The following KCTD4 variants were observed in gnomAD, a reference collection of about 807,000 sequenced individuals.
KCTD4 encodes the protein potassium channel tetramerization domain containing 4.
Under a neutral mutation model 18.3 loss-of-function variants are expected in KCTD4, and 12 were observed. That is an observed-to-expected ratio of 0.66 (90% CI 0.42 to 1.06). The LOEUF is 1.06. KCTD4 is among the 50% of genes least tolerant of loss of function. The pLI, the probability that KCTD4 is intolerant of heterozygous loss-of-function variation, is 0.00. For missense variants in KCTD4, 250 were observed against 303.4 expected (o/e 0.82, Z 1.31); for synonymous variants, 124 against 110.5 (o/e 1.12, Z -0.76).
chr13:45,199,375 T>C (rs1873062058), intron 1 of KCTD4, among the ~76,000 whole-genome samples: 1 of 152,236 alleles, frequency 6.6e-6, no homozygotes, highest in African/African-American at 2.4e-5. Flanking sequence ...ATTTCTTTGA[T>C]TTTCACTACA....
rs949659534 is a variant in KCTD4, at chr13:45,194,546, T to G, written c.22A>C (p.Arg8=). The G allele has an allele frequency of 6.2e-7, 1 of 1,611,568 alleles. No homozygotes were observed. Among genetic ancestry groups the G allele is most frequent in the Non-Finnish European group, 8.5e-7 (1 of 1,179,078 alleles). MERKINR[R]EKEKEYEGKH... is the part of the protein sequence containing the mutation. Reference sequence around the variant, plus strand: ...CCTTCATACTCCTTTTCTTTTTCTCTTCTGTTTATTTTACGCTCCATTTTT... The same window carrying G: ...CCTTCATACTCCTTTTCTTTTTCTCGTCTGTTTATTTTACGCTCCATTTTT... Residue 8 remains arginine (R), a synonymous_variant, in exon 2 of 2, where the codon AGA becomes CGA. Coordinates refer to ENST00000379108, the MANE Select transcript of KCTD4 (RefSeq NM_198404.3).
rs1391621865 is a variant in KCTD4, at chr13:45,194,260, C to T, written c.308G>A (p.Gly103Glu). 2.5e-6 allele frequency: 4 copies of T among 1,614,006 alleles called. No individual in the cohort carries two copies. Among genetic ancestry groups the T allele is most frequent in the East Asian group, 2.2e-5 (1 of 44,892 alleles). The stretch of plus-strand genomic sequence containing the variant: ...TGCAAGAAGTTGATTTTCTCGAAAC[C>T]CTTCGGGCAATAGAAGTTCTCCATT... Reference protein sequence around the residue: ...LRNGELLLPEGFRENQLLAQE... With the variant: ...LRNGELLLPEEFRENQLLAQE... Residue 103 changes from glycine (G) to glutamate (E), a missense_variant, in exon 2 of 2, where the codon GGG (glycine) becomes GAG (glutamate). Coordinates refer to ENST00000379108, the MANE Select transcript of KCTD4 (RefSeq NM_198404.3).
intron 1 of KCTD4, among the ~76,000 whole-genome samples, chr13:45,199,583 G>A (rs1224694239): frequency 1.3e-5 from 2 of 152,058 alleles, no homozygotes; most frequent in South Asian, 4.1e-4. Flanking sequence ...AACCAGATGA[G>A]CATAGCACTT....
intron 1 of KCTD4, among the ~76,000 whole-genome samples, chr13:45,199,100 A>G (rs1873046891): frequency 6.6e-6 from 1 of 152,254 alleles, no homozygotes. Flanking sequence ...AACTGTGCCA[A>G]GTACTTGAAC....
In KCTD4 at chr13:45,194,545, C is replaced by T. The variant is rs763027796; in HGVS notation, c.23G>A (p.Arg8Lys). 13 of 1,611,714 alleles carry T rather than the reference C, an allele frequency of 8.1e-6. No homozygotes were observed. Among genetic ancestry groups the T allele is most frequent in the Non-Finnish European group, 1.1e-5 (13 of 1,179,148 alleles). MERKINR[R>K]EKEKEYEGKH... Reference sequence around the variant, plus strand: ...CCCTTCATACTCCTTTTCTTTTTCTCTTCTGTTTATTTTACGCTCCATTTT... The same window carrying T: ...CCCTTCATACTCCTTTTCTTTTTCTTTTCTGTTTATTTTACGCTCCATTTT... The change falls in exon 2 of 2, where the codon AGA becomes AAA. Residue 8 changes from arginine (R) to lysine (K), a missense_variant. Coordinates refer to ENST00000379108, the MANE Select transcript of KCTD4 (RefSeq NM_198404.3).
In KCTD4 at chr13:45,194,255, G is replaced by A. The variant is rs781421611; in HGVS notation, c.313C>T (p.Arg105Ter). 6.8e-6 allele frequency: 11 copies of A among 1,613,932 alleles called. No homozygotes were observed. Among genetic ancestry groups the A allele is most frequent in the African/African-American group, 4.0e-5 (3 of 74,904 alleles). Residue 105 changes from arginine (R) to a stop codon, truncating the protein, a stop_gained, in exon 2 of 2, where the codon CGA (arginine) becomes TGA (stop). Coordinates refer to ENST00000379108, the MANE Select transcript of KCTD4 (RefSeq NM_198404.3). LOFTEE classifies it high-confidence loss of function. ...TCTTGTGCAAGAAGTTGATTTTCTCGAAACCCTTCGGGCAATAGAAGTTCT... is the reference window on the plus strand; with the variant it reads ...TCTTGTGCAAGAAGTTGATTTTCTCAAAACCCTTCGGGCAATAGAAGTTCT... ...NGELLLPEGF[R>*]ENQLLAQEAE...
chr13:45,200,190 A>G (rs1210062992), intron 1 of KCTD4, among the ~76,000 whole-genome samples: 1 of 152,206 alleles, frequency 6.6e-6, no homozygotes, highest in Non-Finnish European at 1.5e-5. Flanking sequence ...TTCCCTCCGT[A>G]TCACAAGAAA....
rs1256778698 is a variant in KCTD4 at position 45,193,909 on chromosome 13, A to G, written c.659T>C (p.Leu220Ser). 3.1e-6 allele frequency: 5 copies of G among 1,614,178 alleles called. No homozygotes were observed. The highest frequency in any genetic ancestry group is 3.4e-6 in the Non-Finnish European group (4 of 1,180,000). The change falls in exon 2 of 2, where the codon TTG (leucine) becomes TCG (serine). Residue 220 changes from leucine to serine, a missense_variant. Coordinates refer to ENST00000379108, the MANE Select transcript of KCTD4 (RefSeq NM_198404.3). Reference sequence around the variant, plus strand: ...GATAGCCTCAAACTTAAGAGTTTCCAAGGTACAGACAAAGGTGTTGTCTTC... The same window carrying G: ...GATAGCCTCAAACTTAAGAGTTTCCGAGGTACAGACAAAGGTGTTGTCTTC... Reference protein sequence around the residue: ...LKEDNTFVCTLETLKFEAIMM... With the variant: ...LKEDNTFVCTSETLKFEAIMM...
Position 45,194,726 on chromosome 13 carries a change from G to C in KCTD4, c.-159C>G. 1.5e-6 allele frequency: 1 copy of C among 654,972 alleles called. No homozygotes were observed. The highest frequency in any genetic ancestry group is 2.7e-5 in the East Asian group (1 of 37,298). The allele number at this position is 654,972 out of a possible 1,614,324, so 40.6% of individuals were successfully genotyped here. A position where few individuals can be genotyped will look rare whatever the true frequency, so the allele number is the denominator to read the frequency against. On this transcript the variant is annotated 5_prime_UTR_variant, in exon 2 of 2. Coordinates refer to ENST00000379108, the MANE Select transcript of KCTD4 (RefSeq NM_198404.3). ...TGTCAGCTCGGTTTTGCAGTAGGTG[G>C]CGTATCAGCCTATGTATGCAGGAGC...
chr13:45,198,559 T>G (rs1873016737), intron 1 of KCTD4, among the ~76,000 whole-genome samples: 1 of 152,232 alleles, frequency 6.6e-6, no homozygotes, highest in Non-Finnish European at 1.5e-5. Context: ...TCTTGGTTGT[T>G]GTCAGCTGCA....
rs12877778 is a variant in KCTD4 at position 45,194,642 on chromosome 13, C to T, written c.-75G>A. 0.019 allele frequency: 24,629 copies of T among 1,309,156 alleles called. 292 individuals are homozygous for T. Among genetic ancestry groups the T allele is most frequent in the Non-Finnish European group, 0.024 (22,151 of 937,202 alleles). The allele number at this position is 1,309,156 out of a possible 1,614,324, so 81.1% of individuals were successfully genotyped here. On this transcript the variant is annotated 5_prime_UTR_variant, in exon 2 of 2. It adds an upstream start codon to the 5' untranslated region. Transcript: ENST00000379108. Reference sequence around the variant, plus strand: ...AAAAAGAGACACTACCACACAAGCACGCCTTTATTCAGCCCCAGCCTGGTG... The same window carrying T: ...AAAAAGAGACACTACCACACAAGCATGCCTTTATTCAGCCCCAGCCTGGTG...
Position 45,194,495 on chromosome 13 carries a change from C to A in KCTD4, c.73G>T (p.Asp25Tyr). 1.2e-6 allele frequency: 2 copies of A among 1,614,128 alleles called. No individual in the cohort carries two copies. Among genetic ancestry groups the A allele is most frequent in the Non-Finnish European group, 1.7e-6 (2 of 1,179,962 alleles). ...GTGGATTTGCAGTTCTTTCCTTGAT[C>A]AGTATCTTCCAGGCTGTTGTGTTTC... ...EGKHNSLEDT[D>Y]QGKNCKSTLM... Residue 25 changes from aspartate to tyrosine, a missense_variant, in exon 2 of 2, where the codon GAT (aspartate) becomes TAT (tyrosine). Coordinates refer to ENST00000379108, the MANE Select transcript of KCTD4 (RefSeq NM_198404.3).
chr13:45,200,332 T>C (rs559452358), intron 1 of KCTD4, among the ~76,000 whole-genome samples: 1 of 152,178 alleles, frequency 6.6e-6, no homozygotes, highest in Non-Finnish European at 1.5e-5. Context: ...AAATTAAATT[T>C]TATTTTTTGA....
In KCTD4 at chr13:45,193,907, C is replaced by A; in HGVS notation, c.661G>T (p.Glu221Ter). 6.2e-7 allele frequency: 1 copy of A among 1,614,140 alleles called. No individual in the cohort carries two copies. Among genetic ancestry groups the A allele is most frequent in the Non-Finnish European group, 8.5e-7 (1 of 1,180,006 alleles). ...ATGATAGCCTCAAACTTAAGAGTTTCCAAGGTACAGACAAAGGTGTTGTCT... is the reference window on the plus strand; with the variant it reads ...ATGATAGCCTCAAACTTAAGAGTTTACAAGGTACAGACAAAGGTGTTGTCT... ...KEDNTFVCTLETLKFEAIMMA... is the reference protein window; with the variant it reads ...KEDNTFVCTL Residue 221 changes from glutamate to a stop codon, truncating the protein, a stop_gained, in exon 2 of 2, where the codon GAA (glutamate) becomes TAA (stop). Transcript: ENST00000379108. LOFTEE classifies it high-confidence loss of function.
Position 45,194,448 on chromosome 13 carries a change from A to C in KCTD4, c.120T>G (p.Gly40=), listed in dbSNP as rs752486870. The C allele has an allele frequency of 6.2e-7, 1 of 1,614,098 alleles. No homozygotes were observed. Among genetic ancestry groups the C allele is most frequent in the South Asian group, 1.1e-5 (1 of 91,068 alleles). The part of the protein sequence containing the change: ...CKSTLMTLNV[G]GYLYITQKQT... ...GTTTTTGAGTAATGTATAAATATCC[A>C]CCAACGTTGAGGGTCATCAGTGTGG... The change falls in exon 2 of 2, where the codon GGT becomes GGG. Residue 40 remains glycine, a synonymous_variant. Coordinates refer to ENST00000379108, the MANE Select transcript of KCTD4 (RefSeq NM_198404.3).
chr13:45,199,638 ACTCATTTTTATAGTG>A (rs1191692588), intron 1 of KCTD4, among the ~76,000 whole-genome samples: 1 of 152,156 alleles, frequency 6.6e-6, no homozygotes, highest in Non-Finnish European at 1.5e-5. Context: ...ATTGTACAGA[ACTCATTTTTATAGTG>A]CTATTTGGCA....
At chr13:45,197,219 G>A (rs1009545004) in intron 1 of KCTD4, among the ~76,000 whole-genome samples, 4 of 151,552 alleles carry the variant, frequency 2.6e-5, no homozygotes, top group Non-Finnish European at 4.4e-5. Context: ...AATGTAGGCC[G>A]GGCATGTTGG....
intron 1 of KCTD4, among the ~76,000 whole-genome samples, chr13:45,195,458 G>A (rs1363335266): frequency 3.3e-5 from 5 of 152,132 alleles, no homozygotes; most frequent in South Asian, 4.1e-4. Flanking sequence ...TGTATATACC[G>A]TAGGAAGATA....
rs148124193 is a variant in KCTD4 at position 45,194,511 on chromosome 13, G to A, written c.57C>T (p.Asn19=). 52 of 1,614,092 alleles carry A rather than the reference G, an allele frequency of 3.2e-5. No individual in the cohort carries two copies. In the African/African-American group the frequency reaches 6.1e-4, roughly 19 times the overall value. The change falls in exon 2 of 2, where the codon AAC becomes AAT. Residue 19 remains asparagine, a synonymous_variant. Transcript: ENST00000379108. ...TTCCTTGATCAGTATCTTCCAGGCT[G>A]TTGTGTTTCCCTTCATACTCCTTTT... is the stretch of plus-strand genomic sequence containing the variant. ...EKEKEYEGKH[N]SLEDTDQGKN...
Sources: gnomAD v4.1 joint callset for allele counts (sites outside exome capture counted in the v4.1 genomes callset) on GRCh38, gnomAD v4.1.1 for gene constraint, MANE v1.5 for transcripts, NCBI Gene and HGNC (gene_info 2026-07-23, HGNC 2026-07-21) for gene names.